Variants in CADPS observed in about 807,000 individuals in gnomAD.
The protein encoded by CADPS is calcium dependent secretion activator.
Under a neutral mutation model 167.3 loss-of-function variants are expected in CADPS, and 57 were observed. The observed-to-expected ratio is 0.34, with a 90% CI of 0.28 to 0.42. The LOEUF (loss-of-function observed/expected upper bound fraction) is 0.42. Among genes scored for constraint, CADPS ranks in the 20% least tolerant of loss-of-function variants. CADPS has a pLI of 1.00. For missense variants in CADPS, 1,414 were observed against 1,738.1 expected (o/e 0.81, Z 3.32); for synonymous variants, 676 against 635.3 (o/e 1.06, Z -0.96).
chr3:62,759,555 T>G (rs1185714987), intron 2 of CADPS, among the ~76,000 whole-genome samples: 3 of 152,146 alleles, frequency 2.0e-5, no homozygotes, highest in Non-Finnish European at 4.4e-5. Context: ...GTATGCCATT[T>G]GTGTGACCTT....
chr3:62,676,803 CAT>C (rs2076404584), intron 3 of CADPS, among the ~76,000 whole-genome samples: 1 of 152,124 alleles, frequency 6.6e-6, no homozygotes, highest in Non-Finnish European at 1.5e-5. Context: ...TACAGCCTGA[CAT>C]GTGCAGTTGT....
intron 3 of CADPS, among the ~76,000 whole-genome samples, chr3:62,700,101 A>G (rs2081120656): frequency 6.6e-6 from 1 of 152,152 alleles, no homozygotes; most frequent in Non-Finnish European, 1.5e-5. Context: ...TTCCTATCTG[A>G]TAAATTAAAT....
chr3:62,555,206 T>C (rs1031995493), intron 10 of CADPS, among the ~76,000 whole-genome samples: 5 of 152,242 alleles, frequency 3.3e-5, no homozygotes, highest in South Asian at 2.1e-4. Flanking sequence ...AAGAACATAA[T>C]TGATTTACAT....
At chr3:62,701,107 C>T (rs934289549) in intron 3 of CADPS, among the ~76,000 whole-genome samples, 3 of 152,080 alleles carry the variant, frequency 2.0e-5, no homozygotes, top group African/African-American at 7.2e-5. Flanking sequence ...AAGGCCCCAC[C>T]TCATAATACT....
intron 24 of CADPS, among the ~76,000 whole-genome samples, chr3:62,471,377 C>T (rs2150525729): frequency 6.6e-6 from 1 of 152,232 alleles, no homozygotes; most frequent in Middle Eastern, 3.4e-3. Flanking sequence ...TCAAGAAGGT[C>T]CCCAGGTCGT....
intron 22 of CADPS, 64 bp downstream of exon 22, chr3:62,481,659 C>T (rs1379810776): frequency 4.2e-6 from 6 of 1,427,376 alleles, no homozygotes; most frequent in Middle Eastern, 1.8e-4. Context: ...TAGAAATAAA[C>T]AATACATATC....
chr3:62,474,463 T>A, intron 23 of CADPS, 143 bp from the exon 24 acceptor site: 1 of 723,132 alleles, frequency 1.4e-6, no homozygotes, highest in Non-Finnish European at 2.3e-6. Flanking sequence ...TGTTCCCTTT[T>A]AAATGACTTT....
chr3:62,737,030 C>A (rs185988126), intron 3 of CADPS, among the ~76,000 whole-genome samples: 109 of 152,032 alleles, frequency 7.2e-4, no homozygotes, highest in African/African-American at 2.5e-3. Flanking sequence ...CCCAGCTACT[C>A]GGGAGGCTGA....
intron 11 of CADPS, among the ~76,000 whole-genome samples, chr3:62,541,678 C>T (rs531495282): frequency 6.6e-6 from 1 of 152,156 alleles, no homozygotes; most frequent in Non-Finnish European, 1.5e-5. Context: ...ACTCTCATCT[C>T]ATTTAATCTA....
intron 13 of CADPS, among the ~76,000 whole-genome samples, chr3:62,519,165 T>C (rs2069776056): frequency 6.6e-6 from 1 of 152,198 alleles, no homozygotes; most frequent in African/African-American, 2.4e-5. Context: ...GCTTCCCAGA[T>C]CTCATAGTGA....
At chr3:62,646,252 C>G (rs1277902964) in intron 5 of CADPS, among the ~76,000 whole-genome samples, 1 of 151,164 alleles carries the variant, frequency 6.6e-6, no homozygotes, top group Non-Finnish European at 1.5e-5. Flanking sequence ...GCAACCTCCA[C>G]CTCCCTGGTT....
intron 6 of CADPS, among the ~76,000 whole-genome samples, chr3:62,630,239 G>A (rs2065028696): frequency 6.6e-6 from 1 of 152,150 alleles, no homozygotes; most frequent in Non-Finnish European, 1.5e-5. Context: ...TGAATCTGGA[G>A]AGTTAAAACA....
intron 1 of CADPS, among the ~76,000 whole-genome samples, chr3:62,831,061 T>G (rs766211474): frequency 6.6e-6 from 1 of 152,168 alleles, no homozygotes; most frequent in African/African-American, 2.4e-5. Flanking sequence ...ATTTGCTTGA[T>G]AATAAATCAC....
chr3:62,544,764 T>G lies in CADPS; in HGVS notation c.1966+5139A>C. 1.6e-6 allele frequency: 1 copy of G among 628,348 alleles called. No homozygotes were observed. 38.9% of individuals were successfully genotyped at this position (628,348 alleles called of 1,614,324 possible). On this transcript the variant is annotated intron_variant, in intron 11 of 29. Coordinates refer to ENST00000383710, the MANE Select transcript of CADPS (RefSeq NM_003716.4). The surrounding 1 kb of genome is among the most constrained non-coding windows in gnomAD (Gnocchi z 4.4). ...CTACAAATTCTAGACATGAGGAAGA[T>G]TTAAGGGGGAGGGAAGCACATTGCA...
intron 13 of CADPS, among the ~76,000 whole-genome samples, chr3:62,532,261 T>A (rs1404118192): frequency 6.6e-6 from 1 of 152,198 alleles, no homozygotes; most frequent in Non-Finnish European, 1.5e-5. Flanking sequence ...GTCATGTTTC[T>A]TTATTAAATT....
chr3:62,478,496 G>T lies in CADPS; in HGVS notation c.3174-80C>A, dbSNP rs1229586774. On this transcript the variant is annotated intron_variant, in intron 22 of 29. Transcript: ENST00000383710. The surrounding 1 kb of genome is among the most constrained non-coding windows in gnomAD (Gnocchi z 5.7). ...AAAACTAACACAGAGACAACTGGGG[G>T]CTAGAAGGCAAACAGCAGCTTCAAC... 2 of 1,363,884 alleles carry T rather than the reference G, an allele frequency of 1.5e-6. No individual in the cohort carries two copies. Among genetic ancestry groups the T allele is most frequent in the Admixed American group, 2.2e-5 (1 of 46,292 alleles). The allele number at this position is 1,363,884 out of a possible 1,614,324, so 84.5% of individuals were successfully genotyped here. A position where few individuals can be genotyped will look rare whatever the true frequency, so the allele number is the denominator to read the frequency against.
At chr3:62,522,199 C>T (rs751295452) in intron 13 of CADPS, among the ~76,000 whole-genome samples, 3 of 152,226 alleles carry the variant, frequency 2.0e-5, no homozygotes, top group Admixed American at 6.5e-5. Context: ...TGCAGTGGCG[C>T]AATCTCTGTT....
At chr3:62,660,551 A>G (rs568221377) in intron 4 of CADPS, among the ~76,000 whole-genome samples, 3 of 152,336 alleles carry the variant, frequency 2.0e-5, no homozygotes, top group African/African-American at 7.2e-5. Context: ...CTGCTTAAGC[A>G]CAGGGGGATT....
intron 7 of CADPS, among the ~76,000 whole-genome samples, chr3:62,591,569 G>A (rs34965525): frequency 6.6e-6 from 1 of 152,040 alleles, no homozygotes; most frequent in Non-Finnish European, 1.5e-5. Context: ...GCAGATGGGG[G>A]TGAAGAGGTG....
Sources: gnomAD v4.1 joint callset for allele counts (sites outside exome capture counted in the v4.1 genomes callset) on GRCh38, gnomAD v4.1.1 for gene constraint, Gnocchi (gnomAD v3.1) non-coding constraint, MANE v1.5 for transcripts, NCBI Gene and HGNC (gene_info 2026-07-23, HGNC 2026-07-21) for gene names.